The following GNL3L variants were observed in gnomAD, a reference collection of about 807,000 sequenced individuals.
The protein encoded by GNL3L is guanine nucleotide-binding protein-like 3-like protein.
Under a neutral mutation model 42.9 loss-of-function variants are expected in GNL3L, and 4 were observed. The observed-to-expected ratio is 0.09, with a 90% CI of 0.05 to 0.21. The LOEUF is 0.21. Ranked by LOEUF, GNL3L falls within the 10% of genes least tolerant of loss-of-function variation. The pLI is 1.00. For synonymous variants in GNL3L, 159 were observed against 176.3 expected, an observed-to-expected ratio of 0.90 and a Z score of 0.78; for missense variants, 412 against 481.7, an observed-to-expected ratio of 0.86 and a Z score of 1.36.
downstream of GNL3L, among the ~76,000 whole-genome samples, chrX:54,624,603 A>AT (rs767239200): frequency 1.1e-3 from 118 of 105,213 alleles, no homozygotes; most frequent in South Asian, 0.027. Flanking sequence ...ACACCTGGCT[A>AT]TTTTTTTTTG....
At chrX:54,592,290 A>G (rs1347481338) in intron 16 of GNL3L, among the ~76,000 whole-genome samples, 7 of 111,736 alleles carry the variant, frequency 6.3e-5, no homozygotes, top group African/African-American at 2.3e-4. Flanking sequence ...TCCAATTACA[A>G]TGCCCTTTAT....
chrX:54,580,983 G>C (rs754817889), intron 16 of GNL3L, among the ~76,000 whole-genome samples: 1 of 110,334 alleles, frequency 9.1e-6, no homozygotes, highest in Non-Finnish European at 1.9e-5. Context: ...GTTTCCCCAT[G>C]TTGGCCAGGC....
chrX:54,562,067 T>G lies in GNL3L; in HGVS notation c.*1465T>G, dbSNP rs192773088. On this transcript the variant is annotated 3_prime_UTR_variant, in exon 16 of 16. Coordinates refer to ENST00000360845, the MANE Select transcript of GNL3L (RefSeq NM_001184819.2). Reference sequence around the variant, plus strand: ...TTCGACCCACAGCTGCACCTTTATTTATTTATTTTGCTCTGTTGCCCAGGC... The same window carrying G: ...TTCGACCCACAGCTGCACCTTTATTGATTTATTTTGCTCTGTTGCCCAGGC... 8.9e-6 allele frequency among the ~76,000 whole-genome samples: 1 copy of G among 111,919 alleles called. No individual in the cohort carries two copies. Among genetic ancestry groups the G allele is most frequent in the African/African-American group, 3.2e-5 (1 of 30,875 alleles).
At chrX:54,640,442 G>A in the GNL3L span, among the ~76,000 whole-genome samples, 1,478 of 112,109 alleles carry the variant, frequency 0.013, 32 homozygotes, top group African/African-American at 0.046. Context: ...CCTTAGTTAT[G>A]GCATAATAAT....
At chrX:54,543,646 C>T (rs767836940) in intron 7 of GNL3L, among the ~76,000 whole-genome samples, 1 of 111,107 alleles carries the variant, frequency 9.0e-6, no homozygotes, top group South Asian at 3.8e-4. Context: ...CACATGGGCT[C>T]AGGAGTCACT....
chrX:54,592,653 A>G (rs1408417591), intron 16 of GNL3L, among the ~76,000 whole-genome samples: 1 of 110,364 alleles, frequency 9.1e-6, no homozygotes, highest in African/African-American at 3.3e-5. Context: ...CTGTCTCTAC[A>G]AAAAGTACAA....
At chrX:54,567,634 G>GA (rs1925472410), downstream of GNL3L, among the ~76,000 whole-genome samples, 1 of 103,330 alleles carries the variant, frequency 9.7e-6, no homozygotes, top group Non-Finnish European at 2.0e-5. Context: ...CAACAAGAGC[G>GA]AAACTCCATC....
chrX:54,614,771 C>T (rs758077935), intron 16 of GNL3L, among the ~76,000 whole-genome samples: 5 of 111,337 alleles, frequency 4.5e-5, no homozygotes, highest in East Asian at 2.8e-4. Context: ...GTATTTGGGG[C>T]GTCTCCTGGG....
intron 16 of GNL3L, among the ~76,000 whole-genome samples, chrX:54,599,345 G>T (rs1925975290): frequency 9.0e-6 from 1 of 111,635 alleles, no homozygotes; most frequent in African/African-American, 3.2e-5. Context: ...TACCCTTCAA[G>T]AAATGTTAAA....
intron 14 of GNL3L, among the ~76,000 whole-genome samples, chrX:54,555,173 C>T (rs1410523062): frequency 2.8e-5 from 3 of 108,681 alleles, no homozygotes; most frequent in Non-Finnish European, 3.8e-5. Flanking sequence ...CCACGACACC[C>T]GGCTTAATTT....
the GNL3L span, among the ~76,000 whole-genome samples, chrX:54,639,433 C>T: frequency 7.1e-5 from 8 of 112,490 alleles, no homozygotes; most frequent in Non-Finnish European, 1.3e-4. Context: ...TGTACTTGCA[C>T]TCGCAAGCGC....
At chrX:54,574,866 T>C (rs7052597) in intron 16 of GNL3L, among the ~76,000 whole-genome samples, 16,621 of 111,676 alleles carry the variant, frequency 0.15, 2,001 homozygotes, top group African/African-American at 0.4. Context: ...TGAATGTATT[T>C]GTATTTTTCA....
intron 16 of GNL3L, among the ~76,000 whole-genome samples, chrX:54,618,678 G>A (rs894855819): frequency 1.8e-5 from 2 of 111,166 alleles, no homozygotes; most frequent in African/African-American, 6.5e-5. Context: ...AGGAGGAGTT[G>A]GAGCCCAGGA....
chrX:54,607,057 T>TCTTTCTTTC (rs1569542600), intron 16 of GNL3L, among the ~76,000 whole-genome samples: 1 of 60,293 alleles, frequency 1.7e-5, no homozygotes, highest in African/African-American at 9.3e-5. Flanking sequence ...TCTTTCTTTC[T>TCTTTCTTTC]TTCTTTCTTT....
chrX:54,550,410 T>C (rs1228754591), intron 9 of GNL3L, among the ~76,000 whole-genome samples: 1 of 110,828 alleles, frequency 9.0e-6, no homozygotes, highest in African/African-American at 3.3e-5. Context: ...CTTGAGACAA[T>C]AGTACACACA....
At chrX:54,547,639 AAG>A (rs1924813384) in intron 8 of GNL3L, among the ~76,000 whole-genome samples, 1 of 111,576 alleles carries the variant, frequency 9.0e-6, no homozygotes, top group Middle Eastern at 4.2e-3. Context: ...CAGGAGGTGG[AAG>A]TTGCAGTGAG....
At position 54,548,288 on chromosome X, in the gene GNL3L, C is replaced by T. The variant is rs765120166; in HGVS notation, c.690C>T (p.Cys230=). ...ASESLLKSKA[C]FGAENLMRVL... Reference sequence around the variant, plus strand: ...AGTCACTGCTGAAAAGCAAAGCCTGCTTTGGAGCTGAAAACCTCATGAGGG... The same window carrying T: ...AGTCACTGCTGAAAAGCAAAGCCTGTTTTGGAGCTGAAAACCTCATGAGGG... The change falls in exon 9 of 16, where the codon TGC becomes TGT. Residue 230 remains cysteine (C), a synonymous_variant. Transcript: ENST00000360845. 2.5e-6 allele frequency: 3 copies of T among 1,202,833 alleles called. No homozygotes were observed. The Admixed American group carries it at 6.5e-5, about 26-fold the overall frequency.
At chrX:54,594,275 C>A (rs991838040) in intron 16 of GNL3L, among the ~76,000 whole-genome samples, 1 of 111,295 alleles carries the variant, frequency 9.0e-6, no homozygotes, top group Non-Finnish European at 1.9e-5. Context: ...CTTTATATAT[C>A]TGAATGCTCC....
At chrX:54,612,128 G>T (rs1926168291) in intron 16 of GNL3L, among the ~76,000 whole-genome samples, 1 of 111,565 alleles carries the variant, frequency 9.0e-6, no homozygotes, top group African/African-American at 3.3e-5. Context: ...ATATGTTTAG[G>T]ATTGTGATAT....
Sources: gnomAD v4.1 joint callset for allele counts (sites outside exome capture counted in the v4.1 genomes callset) on GRCh38, gnomAD v4.1.1 for gene constraint, MANE v1.5 for transcripts, NCBI Gene and HGNC (gene_info 2026-07-23, HGNC 2026-07-21) for gene names.